The following ANKRD13B variants were observed in gnomAD, a reference collection of about 807,000 sequenced individuals.
The protein encoded by ANKRD13B is ankyrin repeat domain 13B.
Under a neutral mutation model 74.4 loss-of-function variants are expected in ANKRD13B, and 33 were observed. The observed-to-expected ratio is 0.44, with a 90% CI of 0.34 to 0.59. The LOEUF (loss-of-function observed/expected upper bound fraction) is 0.59. Among genes scored for constraint, ANKRD13B ranks in the 20% least tolerant of loss-of-function variants. The pLI, the probability that ANKRD13B is intolerant of heterozygous loss-of-function variation, is 0.02. For synonymous variants in ANKRD13B, 341 were observed against 362.9 expected (o/e 0.94, Z 0.68); for missense variants, 676 against 877.9 (o/e 0.77, Z 2.91).
Position 29,612,860 on chromosome 17 carries a change from A to ACGGCTAACGCCCACGCCTCCC in ANKRD13B, c.1576-24_1576-4dup. 6.2e-7 allele frequency: 1 copy of ACGGCTAACGCCCACGCCTCCC among 1,600,394 alleles called. No homozygotes were observed. The highest frequency in any genetic ancestry group is 8.5e-7 in the Non-Finnish European group (1 of 1,179,232). On this transcript the variant is annotated intron_variant, in intron 13 of 14. Transcript: ENST00000394859. This position sits in a 1 kb window ranked among gnomAD's most constrained non-coding sequence, Gnocchi z 6.1. ...CGGGGCCACGGGACTCCGCGCCGCC[A>ACGGCTAACGCCCACGCCTCCC]CGGCTAACGCCCACGCCTCCCCGCA...
intron 1 of ANKRD13B, among the ~76,000 whole-genome samples, chr17:29,601,880 T>C (rs1305766040): frequency 6.6e-6 from 1 of 152,238 alleles, no homozygotes. Context: ...GAGAAGAATA[T>C]AGTATTTCCT....
At chr17:29,595,762 A>G (rs1353331589) in intron 1 of ANKRD13B, among the ~76,000 whole-genome samples, 1 of 152,110 alleles carries the variant, frequency 6.6e-6, no homozygotes, top group African/African-American at 2.4e-5. Flanking sequence ...GCACTGGTGG[A>G]GGTTAACCCT....
chr17:29,607,073 C>A (rs867468022), intron 1 of ANKRD13B, among the ~76,000 whole-genome samples: 18 of 151,178 alleles, frequency 1.2e-4, no homozygotes, highest in South Asian at 4.2e-4. Flanking sequence ...CAAAAAAAAA[C>A]CCCAAAAAAA....
rs372062091 is a variant in ANKRD13B, at chr17:29,609,339, C to T, written c.756-16C>T. The T allele has an allele frequency of 5.0e-6, 8 of 1,613,406 alleles. No homozygotes were observed. Among genetic ancestry groups the T allele is most frequent in the Admixed American group, 3.3e-5 (2 of 59,998 alleles). ...GGTGGGGTGCCTGCCTCACCTGGAC[C>T]ACTCTGCTTCCCCAGGAACAAGACT... is the stretch of plus-strand genomic sequence containing the variant. On this transcript the variant is annotated splice_polypyrimidine_tract_variant and intron_variant, in intron 6 of 14. Transcript: ENST00000394859. The surrounding 1 kb of genome is among the most constrained non-coding windows in gnomAD (Gnocchi z 4.0).
At position 29,612,451 on chromosome 17, in the gene ANKRD13B, C is replaced by T. The variant is rs113592129; in HGVS notation, c.1308C>T (p.Leu436=). 6.2e-7 allele frequency: 1 copy of T among 1,608,108 alleles called. No homozygotes were observed. Among genetic ancestry groups the T allele is most frequent in the East Asian group, 2.2e-5 (1 of 44,644 alleles). Residue 436 remains leucine (L), a synonymous_variant, in exon 12 of 15, where the codon CTC becomes CTT. Coordinates refer to ENST00000394859, the MANE Select transcript of ANKRD13B (RefSeq NM_152345.5). The surrounding 1 kb of genome is among the most constrained non-coding windows in gnomAD (Gnocchi z 6.1). Reference sequence around the variant, plus strand: ...ACGCCCGCATCACCTTCGGGAACCTCAACGGCTGCGACGAACCGGTGCCAT... The same window carrying T: ...ACGCCCGCATCACCTTCGGGAACCTTAACGGCTGCGACGAACCGGTGCCAT... ...ILNARITFGN[L]NGCDEPVPSV...
intron 1 of ANKRD13B, among the ~76,000 whole-genome samples, chr17:29,606,281 G>A (rs566721992): frequency 3.6e-4 from 55 of 151,782 alleles, no homozygotes; most frequent in Non-Finnish European, 7.1e-4. Context: ...GCTTAAGACC[G>A]GGCGTGGTGG....
chr17:29,613,052 C>A, intron 14 of ANKRD13B, 89 bp downstream of exon 14: 1 of 1,483,212 alleles, frequency 6.7e-7, no homozygotes, highest in Non-Finnish European at 9.1e-7. Flanking sequence ...GCGGGGCCCT[C>A]GGCAGGGACC....
At chr17:29,602,779 C>T (rs1282633304) in intron 1 of ANKRD13B, among the ~76,000 whole-genome samples, 2 of 152,282 alleles carry the variant, frequency 1.3e-5, no homozygotes, top group Middle Eastern at 3.4e-3. Context: ...TTAGGAGGGG[C>T]ACCATTCTTC....
chr17:29,613,911 G>T lies in ANKRD13B; in HGVS notation c.*329G>T. On this transcript the variant is annotated 3_prime_UTR_variant, in exon 15 of 15. Transcript: ENST00000394859. ...GAGGGGGAGATGAATCCTTAGAGGA[G>T]CGCTGTCCCTATCCCTTGCTCCTTC... 1 of 330,390 alleles carries T rather than the reference G, an allele frequency of 3.0e-6. No individual in the cohort carries two copies. The highest frequency in any genetic ancestry group is 5.5e-6 in the Non-Finnish European group (1 of 180,558). 20.5% of individuals were successfully genotyped at this position (330,390 alleles called of 1,614,324 possible).
At position 29,608,659 on chromosome 17, in the gene ANKRD13B, C is replaced by G. The variant is rs962737197; in HGVS notation, c.422-192C>G. On this transcript the variant is annotated intron_variant, in intron 4 of 14. Coordinates refer to ENST00000394859, the MANE Select transcript of ANKRD13B (RefSeq NM_152345.5). The surrounding 1 kb of genome is among the most constrained non-coding windows in gnomAD (Gnocchi z 6.4). ...AGTGGTGACAGAAACATGCCCGTCC[C>G]GACCTCAGGTTGCTCTTCTGTGTGA... The G allele has an allele frequency of 2.8e-5, 20 of 727,196 alleles. No individual in the cohort carries two copies. The East Asian group carries it at 5.5e-4, about 20-fold the overall frequency. 45.0% of individuals were successfully genotyped at this position (727,196 alleles called of 1,614,324 possible).
rs1284403305 is a variant in ANKRD13B at position 29,611,812 on chromosome 17, C to T, written c.970-64C>T. On this transcript the variant is annotated intron_variant, in intron 9 of 14. Coordinates refer to ENST00000394859, the MANE Select transcript of ANKRD13B (RefSeq NM_152345.5). This position sits in a 1 kb window ranked among gnomAD's most constrained non-coding sequence, Gnocchi z 4.3. ...GGACAGCTTGGGGGCCTTGTGACAACAAATGAGTTGGCCTGGCATTAGGAA... is the reference window on the plus strand; with the variant it reads ...GGACAGCTTGGGGGCCTTGTGACAATAAATGAGTTGGCCTGGCATTAGGAA... 6.4e-7 allele frequency: 1 copy of T among 1,565,230 alleles called. No homozygotes were observed. Among genetic ancestry groups the T allele is most frequent in the Admixed American group, 1.8e-5 (1 of 55,374 alleles).
At position 29,593,402 on chromosome 17, in the gene ANKRD13B, C is replaced by CCGCGCCG. The variant is rs2033834197; in HGVS notation, c.-218_-212dup. ...CCTCCCAGGGCGGGTGGGGGCCTCTCCGCGCCGCCCGCCGCCGCCGCCTCG... is the reference window on the plus strand; with the variant it reads ...CCTCCCAGGGCGGGTGGGGGCCTCTCCGCGCCGCGCGCCGCCCGCCGCCGCCGCCTCG... On this transcript the variant is annotated 5_prime_UTR_variant, in exon 1 of 15. The change creates a premature stop within an existing upstream ORF in the 5' untranslated region. Coordinates refer to ENST00000394859, the MANE Select transcript of ANKRD13B (RefSeq NM_152345.5). 1 of 146,582 alleles carries CCGCGCCG rather than the reference C, an allele frequency of 6.8e-6. No individual in the cohort carries two copies. The highest frequency in any genetic ancestry group is 1.8e-4 in the South Asian group (1 of 5,422). 9.1% of individuals were successfully genotyped at this position (146,582 alleles called of 1,614,324 possible). A position where few individuals can be genotyped will look rare whatever the true frequency, so the allele number is the denominator to read the frequency against.
rs1282825148 is a variant in ANKRD13B, at chr17:29,612,382, A to G, written c.1259-20A>G. ...TGTGAGGGGCTGAGTGGTGGCGCCT[A>G]AAGGTTTCCTCATCCTCAGAAATCC... On this transcript the variant is annotated intron_variant, in intron 11 of 14. Transcript: ENST00000394859. This position sits in a 1 kb window ranked among gnomAD's most constrained non-coding sequence, Gnocchi z 6.1. 6.2e-7 allele frequency: 1 copy of G among 1,612,722 alleles called. No individual in the cohort carries two copies.
intron 1 of ANKRD13B, among the ~76,000 whole-genome samples, chr17:29,606,455 G>A (rs1044772656): frequency 6.6e-6 from 1 of 151,768 alleles, no homozygotes; most frequent in African/African-American, 2.4e-5. Context: ...CTACTCAGAA[G>A]GCTGAGGCAC....
At chr17:29,600,815 T>C (rs2034146358) in intron 1 of ANKRD13B, among the ~76,000 whole-genome samples, 1 of 152,178 alleles carries the variant, frequency 6.6e-6, no homozygotes, top group Non-Finnish European at 1.5e-5. Flanking sequence ...CTCCCCTAAG[T>C]CAGTTGTGAG....
rs574567497 is a variant in ANKRD13B, at chr17:29,613,608, C to T, written c.*26C>T. Reference sequence around the variant, plus strand: ...CGCCCCCTGCCGGGACCCTCGCCAGCGCCACGCGCGCCACGCCCAGGGCCA... The same window carrying T: ...CGCCCCCTGCCGGGACCCTCGCCAGTGCCACGCGCGCCACGCCCAGGGCCA... On this transcript the variant is annotated 3_prime_UTR_variant, in exon 15 of 15. Coordinates refer to ENST00000394859, the MANE Select transcript of ANKRD13B (RefSeq NM_152345.5). 2.9e-6 allele frequency: 4 copies of T among 1,395,246 alleles called. No individual in the cohort carries two copies. In the South Asian group the frequency reaches 4.6e-5, roughly 16 times the overall value. 86.4% of individuals were successfully genotyped at this position (1,395,246 alleles called of 1,614,324 possible).
rs2034590971 is a variant in ANKRD13B, at chr17:29,611,893, T to A, written c.987T>A (p.Thr329=). 6.2e-7 allele frequency: 1 copy of A among 1,612,464 alleles called. No individual in the cohort carries two copies. Among genetic ancestry groups the A allele is most frequent in the Non-Finnish European group, 8.5e-7 (1 of 1,179,038 alleles). ...GPQNGTLITQ[T]LSQANPTAIT... is the part of the protein sequence containing the mutation. Reference sequence around the variant, plus strand: ...TGGTACAGACCCTGATCACTCAGACTCTGAGCCAAGCCAACCCCACTGCCA... The same window carrying A: ...TGGTACAGACCCTGATCACTCAGACACTGAGCCAAGCCAACCCCACTGCCA... The change falls in exon 10 of 15, where the codon ACT becomes ACA. Residue 329 remains threonine (T), a synonymous_variant. Transcript: ENST00000394859. This position sits in a 1 kb window ranked among gnomAD's most constrained non-coding sequence, Gnocchi z 4.3.
chr17:29,608,592 G>T lies in ANKRD13B; in HGVS notation c.422-259G>T, dbSNP rs1331979132. 2 of 579,294 alleles carry T rather than the reference G, an allele frequency of 3.5e-6. No homozygotes were observed. Among genetic ancestry groups the T allele is most frequent in the Non-Finnish European group, 6.1e-6 (2 of 329,148 alleles). 35.9% of individuals were successfully genotyped at this position (579,294 alleles called of 1,614,324 possible). On this transcript the variant is annotated intron_variant, in intron 4 of 14. Coordinates refer to ENST00000394859, the MANE Select transcript of ANKRD13B (RefSeq NM_152345.5). This position sits in a 1 kb window ranked among gnomAD's most constrained non-coding sequence, Gnocchi z 6.4. ...ATATTTGTTGAAAGAATGGATGAAA[G>T]AGTGAGTGAGTGAATTAACAAATGA...
At position 29,612,096 on chromosome 17, in the gene ANKRD13B, T is replaced by G; in HGVS notation, c.1101-20T>G. 2 of 1,612,846 alleles carry G rather than the reference T, an allele frequency of 1.2e-6. No individual in the cohort carries two copies. Among genetic ancestry groups the G allele is most frequent in the Non-Finnish European group, 1.7e-6 (2 of 1,179,108 alleles). ...GGCTTCCTGCAGTGTCCCTTACCCC[T>G]TGGGATCTGGTGGGGGCAGGTTCAA... On this transcript the variant is annotated intron_variant, in intron 10 of 14. Transcript: ENST00000394859. This position sits in a 1 kb window ranked among gnomAD's most constrained non-coding sequence, Gnocchi z 6.1.
Sources: allele counts gnomAD v4.1 joint callset (sites outside exome capture counted in the v4.1 genomes callset), GRCh38; gene constraint gnomAD v4.1.1; non-coding constraint Gnocchi (gnomAD v3.1); transcripts MANE v1.5; gene names NCBI Gene and HGNC (gene_info 2026-07-23, HGNC 2026-07-21).